CNTNAP2: variants seen among roughly 807,000 people sequenced by gnomAD.
CNTNAP2 encodes the protein contactin-associated protein-like 2.
A neutral mutation model predicts 155.2 loss-of-function variants in CNTNAP2; 98 were observed. The observed-to-expected ratio is 0.63, with a 90% CI of 0.54 to 0.75. The LOEUF is 0.75. Among genes scored for constraint, CNTNAP2 ranks in the 30% least tolerant of loss-of-function variants. CNTNAP2 has a pLI of 0.00. For missense variants in CNTNAP2, 1,727 were observed against 1,688.1 expected (o/e 1.02, Z -0.40); for synonymous variants, 651 against 631.2 (o/e 1.03, Z -0.47).
chr7:147,504,986 C>T (rs1357718691), intron 11 of CNTNAP2, among the ~76,000 whole-genome samples: 2 of 151,978 alleles, frequency 1.3e-5, no homozygotes, highest in East Asian at 3.9e-4. Context: ...TAGCAAGTGA[C>T]ATGAGGGTGT....
chr7:147,202,851 TAA>T (rs11321167), intron 8 of CNTNAP2, among the ~76,000 whole-genome samples: 8 of 148,472 alleles, frequency 5.4e-5, no homozygotes, highest in African/African-American at 1.2e-4. Context: ...AAAGTATAAT[TAA>T]AAAAAAATAT....
chr7:147,011,533 C>A (rs1442684260), intron 3 of CNTNAP2, among the ~76,000 whole-genome samples: 1 of 149,726 alleles, frequency 6.7e-6, no homozygotes, highest in Non-Finnish European at 1.5e-5. Context: ...GGATTCTGAA[C>A]TGGATCCTTT....
chr7:147,265,695 C>T (rs1397043302), intron 8 of CNTNAP2, among the ~76,000 whole-genome samples: 2 of 152,172 alleles, frequency 1.3e-5, no homozygotes, highest in African/African-American at 4.8e-5. Flanking sequence ...GATCCCGTGC[C>T]GCCCTGACTG....
chr7:146,775,368 G>T (rs145753349), intron 2 of CNTNAP2, among the ~76,000 whole-genome samples: 3 of 152,002 alleles, frequency 2.0e-5, no homozygotes, highest in Non-Finnish European at 4.4e-5. Flanking sequence ...ATTATCTTGA[G>T]TTAATTATTT....
At chr7:146,619,254 A>C (rs1799279184) in intron 1 of CNTNAP2, among the ~76,000 whole-genome samples, 1 of 152,142 alleles carries the variant, frequency 6.6e-6, no homozygotes, top group South Asian at 2.1e-4. Flanking sequence ...CATTTGTTAA[A>C]TATAAGGTAT....
At chr7:146,699,317 G>A (rs1041521064) in intron 1 of CNTNAP2, among the ~76,000 whole-genome samples, 4 of 152,156 alleles carry the variant, frequency 2.6e-5, no homozygotes, top group African/African-American at 9.7e-5. Flanking sequence ...TGTCTCCCCT[G>A]TTGTTATTGG....
intron 10 of CNTNAP2, among the ~76,000 whole-genome samples, chr7:147,484,409 G>A (rs550235790): frequency 3.9e-5 from 6 of 152,044 alleles, no homozygotes; most frequent in African/African-American, 7.2e-5. Flanking sequence ...GTGAAATCCC[G>A]TAGTACTTTA....
chr7:146,732,774 C>T (rs1801548376), intron 1 of CNTNAP2, among the ~76,000 whole-genome samples: 2 of 152,162 alleles, frequency 1.3e-5, no homozygotes, highest in Non-Finnish European at 2.9e-5. Flanking sequence ...TTTTCTATAA[C>T]CTGCACACAT....
intron 3 of CNTNAP2, among the ~76,000 whole-genome samples, chr7:146,875,962 C>CA (rs1166787106): frequency 2.7e-5 from 2 of 74,888 alleles, no homozygotes; most frequent in African/African-American, 9.8e-5. Flanking sequence ...AAAAAAAAAA[C>CA]AAAAAACAAA....
At chr7:147,775,238 T>C (rs1797543378) in intron 13 of CNTNAP2, among the ~76,000 whole-genome samples, 1 of 121,852 alleles carries the variant, frequency 8.2e-6, no homozygotes, top group Non-Finnish European at 1.6e-5. Context: ...AATATATATA[T>C]ATATTTATAT....
At chr7:148,413,928 GTATT>G (rs1799913979) in intron 23 of CNTNAP2, among the ~76,000 whole-genome samples, 2 of 151,712 alleles carry the variant, frequency 1.3e-5, no homozygotes, top group East Asian at 1.9e-4. Context: ...CTGTTGACCT[GTATT>G]TAAAGTTCAT....
At chr7:146,405,719 G>A (rs887766164) in intron 1 of CNTNAP2, among the ~76,000 whole-genome samples, 1 of 152,118 alleles carries the variant, frequency 6.6e-6, no homozygotes, top group Non-Finnish European at 1.5e-5. Context: ...AGAATTATCA[G>A]GACAGGTTTC....
intron 1 of CNTNAP2, among the ~76,000 whole-genome samples, chr7:146,290,528 A>G (rs534150960): frequency 6.6e-6 from 1 of 152,330 alleles, no homozygotes; most frequent in Admixed American, 6.5e-5. Flanking sequence ...TGCAGTGAAA[A>G]CACTTTAAAT....
intron 1 of CNTNAP2, among the ~76,000 whole-genome samples, chr7:146,409,813 A>G (rs1795841518): frequency 6.6e-6 from 1 of 152,182 alleles, no homozygotes; most frequent in Admixed American, 6.5e-5. Context: ...AGGGTGATAG[A>G]GAAGAAATAG....
At chr7:147,912,285 A>T (rs11561915) in intron 14 of CNTNAP2, among the ~76,000 whole-genome samples, 30,966 of 152,126 alleles carry the variant, frequency 0.2, 3,525 homozygotes, top group Middle Eastern at 0.29. Context: ...GCACACACAG[A>T]TAAGGGTTAG....
chr7:147,739,501 G>A lies in CNTNAP2; in HGVS notation c.2098+100195G>A, dbSNP rs181771107. On this transcript the variant is annotated intron_variant, in intron 13 of 23. Transcript: ENST00000361727. ...GCTAGGAATTCCATATCTTGTCTTG[G>A]CCCTATCAGCCTTGAAACTAAAATA... Among the ~76,000 whole-genome samples the A allele has an allele frequency of 6.6e-5, 10 of 152,136 alleles. No homozygotes were observed. The South Asian group carries it at 1.5e-3, about 22-fold the overall frequency.
At chr7:146,290,378 T>C (rs1212202218) in intron 1 of CNTNAP2, among the ~76,000 whole-genome samples, 3 of 152,200 alleles carry the variant, frequency 2.0e-5, no homozygotes, top group African/African-American at 7.2e-5. Context: ...TCAGCCTACT[T>C]AAACATGAAG....
intron 13 of CNTNAP2, among the ~76,000 whole-genome samples, chr7:147,868,362 G>C (rs375607669): frequency 6.6e-6 from 1 of 152,158 alleles, no homozygotes; most frequent in African/African-American, 2.4e-5. Flanking sequence ...AGGGGTGCCT[G>C]CCTATATGAG....
chr7:148,354,487 A>G (rs2116604293), intron 21 of CNTNAP2, among the ~76,000 whole-genome samples: 1 of 152,164 alleles, frequency 6.6e-6, no homozygotes, highest in Non-Finnish European at 1.5e-5. Flanking sequence ...GTGACAGCGG[A>G]GACCCACTCG....
Sources: gnomAD v4.1 joint callset for allele counts (sites outside exome capture counted in the v4.1 genomes callset) on GRCh38, gnomAD v4.1.1 for gene constraint, MANE v1.5 for transcripts, NCBI Gene and HGNC (gene_info 2026-07-23, HGNC 2026-07-21) for gene names.